Variants in SNRNP40 observed in about 807,000 individuals in gnomAD.
SNRNP40 encodes the protein U5 small nuclear ribonucleoprotein 40 kDa protein.
A neutral mutation model predicts 45.8 loss-of-function variants in SNRNP40; 21 were observed. The observed-to-expected ratio is 0.46, with a 90% CI of 0.32 to 0.66. The LOEUF (loss-of-function observed/expected upper bound fraction) is 0.66, where lower values mean the gene tolerates loss of function less well. Ranked by LOEUF, SNRNP40 falls within the 30% of genes least tolerant of loss-of-function variation. The probability of loss-of-function intolerance (pLI) is 0.03; values close to 1 mark genes in which losing one functional copy is unlikely to be tolerated. For synonymous variants in SNRNP40, 142 were observed against 163.8 expected, an observed-to-expected ratio of 0.87 and a Z score of 1.01; for missense variants, 344 against 439.1, an observed-to-expected ratio of 0.78 and a Z score of 1.94.
At chr1:31,260,566 A>G (rs767291181) in intron 9 of SNRNP40, among the ~76,000 whole-genome samples, 5 of 152,132 alleles carry the variant, frequency 3.3e-5, no homozygotes, top group Non-Finnish European at 5.9e-5. Flanking sequence ...TAAATATTAA[A>G]AAGTATCATT....
intron 8 of SNRNP40, among the ~76,000 whole-genome samples, chr1:31,264,037 G>C (rs1220849827): frequency 1.3e-5 from 2 of 152,090 alleles, no homozygotes; most frequent in African/African-American, 4.8e-5. Flanking sequence ...AAATATAAAG[G>C]GCTGGTAGTT....
At chr1:31,289,074 T>C (rs1646083607) in intron 4 of SNRNP40, among the ~76,000 whole-genome samples, 180 bp downstream of exon 4, 1 of 152,226 alleles carries the variant, frequency 6.6e-6, no homozygotes, top group Non-Finnish European at 1.5e-5. Flanking sequence ...TATTATTCTG[T>C]AGGGTAATTA....
chr1:31,296,115 T>G (rs970837755), intron 1 of SNRNP40, among the ~76,000 whole-genome samples: 1 of 152,214 alleles, frequency 6.6e-6, no homozygotes, highest in African/African-American at 2.4e-5. Context: ...GGAAATTTCA[T>G]ATACGAAACA....
chr1:31,270,995 A>G (rs1645933983), intron 6 of SNRNP40, among the ~76,000 whole-genome samples: 1 of 152,246 alleles, frequency 6.6e-6, no homozygotes, highest in South Asian at 2.1e-4. Context: ...AGGAAAGAGC[A>G]GAAGAGATCA....
At chr1:31,284,511 A>C (rs1003227153) in intron 4 of SNRNP40, among the ~76,000 whole-genome samples, 2 of 152,214 alleles carry the variant, frequency 1.3e-5, no homozygotes, top group Non-Finnish European at 2.9e-5. Flanking sequence ...CGTGGATAAC[A>C]CAGAGAGGGC....
At chr1:31,291,782 A>G in intron 3 of SNRNP40, 131 bp downstream of exon 3, 1 of 637,652 alleles carries the variant, frequency 1.6e-6, no homozygotes, top group South Asian at 1.8e-5. Context: ...TGACAGTGAT[A>G]AATCGGATAC....
rs757285009 is a variant in SNRNP40 at position 31,281,445 on chromosome 1, G to A, written c.583C>T (p.Gln195Ter). Reference protein sequence around the residue: ...AAIQTFQNTYQVLAVTFNDTS... With the variant: ...AAIQTFQNTY ...TCATTGAAGGTCACAGCTAACACCT[G>A]GTACGTGTTCTGAAATGTCTGGATG... The change falls in exon 5 of 10, where the codon CAG becomes TAG. Residue 195 changes from glutamine to a stop codon, truncating the protein, a stop_gained. Coordinates refer to ENST00000263694, the MANE Select transcript of SNRNP40 (RefSeq NM_004814.3). LOFTEE classifies it high-confidence loss of function. 156 of 1,608,362 alleles carry A rather than the reference G, an allele frequency of 9.7e-5. No homozygotes were observed. Among genetic ancestry groups the A allele is most frequent in the Non-Finnish European group, 1.3e-4 (155 of 1,175,210 alleles).
intron 2 of SNRNP40, among the ~76,000 whole-genome samples, chr1:31,292,357 G>A (rs959109512): frequency 2.0e-5 from 3 of 152,074 alleles, no homozygotes; most frequent in Non-Finnish European, 4.4e-5. Context: ...GTGAGACTCC[G>A]TCTCTAAAAA....
chr1:31,267,393 T>A (rs1216712527), intron 8 of SNRNP40, among the ~76,000 whole-genome samples: 5 of 152,196 alleles, frequency 3.3e-5, no homozygotes, highest in South Asian at 4.1e-4. Flanking sequence ...GTAGAAATGA[T>A]CTGTTTGTCG....
At chr1:31,289,485 T>A (rs1011711712) in intron 3 of SNRNP40, 66 bp from the exon 4 acceptor site, 1 of 1,497,216 alleles carries the variant, frequency 6.7e-7, no homozygotes. Context: ...CTATCTTTCC[T>A]ACTTGACAAA....
In SNRNP40 at chr1:31,296,669, G is replaced by A. The variant is rs1303966025; in HGVS notation, c.83C>T (p.Ala28Val). 4 of 1,613,726 alleles carry A rather than the reference G, an allele frequency of 2.5e-6. No individual in the cohort carries two copies. In the African/African-American group the frequency reaches 4.0e-5, roughly 16 times the overall value. ...KRQRHELLLG[A>V]GSGPGAGQQQ... ...CTGCCCGGCTCCTGGGCCAGACCCC[G>A]CTCCCAACAGCAACTCATGCCGCTG... The change falls in exon 1 of 10, where the codon GCG (alanine) becomes GTG (valine). Residue 28 changes from alanine (A) to valine (V), a missense_variant. Ala to Val is a moderately conservative substitution (Grantham distance 64, BLOSUM62 0). Around this residue, in one of 2 missense-constraint regions of SNRNP40, gnomAD observed 90 missense variants for 58.9 expected, o/e 1.53. Coordinates refer to ENST00000263694, the MANE Select transcript of SNRNP40 (RefSeq NM_004814.3).
chr1:31,273,276 T>C (rs1302512309), intron 5 of SNRNP40, among the ~76,000 whole-genome samples: 1 of 152,160 alleles, frequency 6.6e-6, no homozygotes, highest in Non-Finnish European at 1.5e-5. Context: ...AACTTGTGTG[T>C]TATTTCCAAA....
intron 1 of SNRNP40, among the ~76,000 whole-genome samples, chr1:31,294,471 T>A (rs1420301932): frequency 6.6e-6 from 1 of 151,020 alleles, no homozygotes; most frequent in Non-Finnish European, 1.5e-5. Context: ...TATTTATTTA[T>A]TTTTTGGGGA....
At chr1:31,260,197 G>T in intron 9 of SNRNP40, 76 bp from the exon 10 acceptor site, 2 of 991,324 alleles carry the variant, frequency 2.0e-6, no homozygotes, top group Non-Finnish European at 3.0e-6. Context: ...CTTGTGTCAA[G>T]AGCCAATTCT....
intron 5 of SNRNP40, among the ~76,000 whole-genome samples, chr1:31,271,717 C>T (rs931625991): frequency 6.6e-6 from 1 of 151,660 alleles, no homozygotes; most frequent in East Asian, 1.9e-4. Context: ...TATCATGGCT[C>T]GCTGTAGCCT....
At position 31,261,673 on chromosome 1, in the gene SNRNP40, G is replaced by A. The variant is rs375705883; in HGVS notation, c.921-41C>T. On this transcript the variant is annotated intron_variant, in intron 8 of 9. Transcript: ENST00000263694. ...AAAAGCAAGGGTAAGTCCTCTTAGA[G>A]CTGGGGGTAGGACAGAGGCATGGCT... The A allele has an allele frequency of 3.9e-5, 51 of 1,319,612 alleles. 2 individuals are homozygous for A. In the African/African-American group the frequency reaches 6.9e-4, roughly 18 times the overall value. The allele number at this position is 1,319,612 out of a possible 1,614,324, so 81.7% of individuals were successfully genotyped here.
chr1:31,271,295 C>A (rs55738946), intron 6 of SNRNP40, 84 bp downstream of exon 6: 17 of 1,381,752 alleles, frequency 1.2e-5, no homozygotes, highest in Non-Finnish European at 1.6e-5. Context: ...CCCATTACAA[C>A]ACATTCTAAT....
intron 5 of SNRNP40, among the ~76,000 whole-genome samples, chr1:31,278,310 T>C (rs537294665): frequency 1.3e-5 from 2 of 152,324 alleles, no homozygotes; most frequent in East Asian, 3.9e-4. Flanking sequence ...TAGACTTTAC[T>C]AGCACAAGAG....
intron 9 of SNRNP40, among the ~76,000 whole-genome samples, chr1:31,260,678 A>G (rs1645852086): frequency 6.7e-6 from 1 of 149,724 alleles, no homozygotes; most frequent in African/African-American, 2.4e-5. Flanking sequence ...CCTGGCCAAC[A>G]TGGTGAAACC....
Sources: gnomAD v4.1 joint callset for allele counts (sites outside exome capture counted in the v4.1 genomes callset) on GRCh38, gnomAD v4.1.1 for gene constraint, gnomAD v4.1.1 regional missense constraint, MANE v1.5 for transcripts, NCBI Gene and HGNC (gene_info 2026-07-23, HGNC 2026-07-21) for gene names.